The following MCTP2 variants were observed in gnomAD, a reference collection of about 807,000 sequenced individuals.
MCTP2 encodes multiple C2 and transmembrane domain containing 2, also known as multiple C2 and transmembrane domain-containing protein 2.
A neutral mutation model predicts 111.6 loss-of-function variants in MCTP2; 132 were observed. That is an observed-to-expected ratio of 1.18 (90% CI 1.03 to 1.37). MCTP2 has a LOEUF of 1.37. Ranked by LOEUF, MCTP2 falls within the 40% of genes most tolerant of loss-of-function variation. MCTP2 has a pLI of 0.00. For missense variants in MCTP2, 1,183 were observed against 1,067.9 expected, an observed-to-expected ratio of 1.11 and a Z score of -1.50; for synonymous variants, 395 against 387.7, an observed-to-expected ratio of 1.02 and a Z score of -0.22.
chr15:94,369,218 C>T (rs991078242), intron 11 of MCTP2, among the ~76,000 whole-genome samples: 2 of 152,154 alleles, frequency 1.3e-5, no homozygotes, highest in Admixed American at 6.5e-5. Flanking sequence ...TGTTATTAAG[C>T]TTGTGTTATT....
intron 1 of MCTP2, among the ~76,000 whole-genome samples, chr15:94,242,987 G>A (rs1163788097): frequency 1.2e-5 from 1 of 81,758 alleles, no homozygotes; most frequent in African/African-American, 4.8e-5. Context: ...ACACATACAC[G>A]TGTATATGTG....
At chr15:94,296,209 A>T (rs779376679) in intron 1 of MCTP2, among the ~76,000 whole-genome samples, 14 of 152,242 alleles carry the variant, frequency 9.2e-5, no homozygotes, top group Admixed American at 2.6e-4. Flanking sequence ...ATGAAAATAG[A>T]AGCAATGCCT....
At chr15:94,365,431 G>A (rs992212045) in intron 10 of MCTP2, among the ~76,000 whole-genome samples, 4 of 152,140 alleles carry the variant, frequency 2.6e-5, no homozygotes, top group Non-Finnish European at 5.9e-5. Flanking sequence ...TGAGTGAAAA[G>A]CTTGTGAAAA....
chr15:94,388,621 G>A (rs538291243), intron 14 of MCTP2, among the ~76,000 whole-genome samples: 13 of 152,192 alleles, frequency 8.5e-5, no homozygotes, highest in African/African-American at 2.6e-4. Context: ...TACTTATTTA[G>A]ATCTAGTTTT....
chr15:94,354,114 C>CAT (rs1322085929), intron 8 of MCTP2, among the ~76,000 whole-genome samples: 146 of 151,196 alleles, frequency 9.7e-4, no homozygotes, highest in African/African-American at 3.1e-3. Context: ...CATATATTCC[C>CAT]ATATATATAT....
chr15:94,469,786 C>T (rs568396846), intron 20 of MCTP2, among the ~76,000 whole-genome samples: 4 of 152,002 alleles, frequency 2.6e-5, no homozygotes, highest in South Asian at 2.1e-4. Context: ...GCAGGAGGAT[C>T]GTTTGAGCCT....
intron 12 of MCTP2, among the ~76,000 whole-genome samples, chr15:94,372,029 T>C (rs1465424584): frequency 6.6e-6 from 1 of 152,132 alleles, no homozygotes; most frequent in Non-Finnish European, 1.5e-5. Context: ...AAAGAGTCTT[T>C]GTAAAGACCC....
intron 1 of MCTP2, among the ~76,000 whole-genome samples, chr15:94,268,168 A>AATTC: frequency 1.6e-5 from 2 of 128,976 alleles, no homozygotes; most frequent in African/African-American, 5.8e-5. Flanking sequence ...GCCCGGCCCA[A>AATTC]ATTCATTCTT....
intron 22 of MCTP2, 55 bp downstream of exon 22, chr15:94,476,848 C>G (rs2074408996): frequency 3.9e-6 from 4 of 1,027,732 alleles, no homozygotes; most frequent in Non-Finnish European, 1.5e-6. Flanking sequence ...TCTGGCCAGC[C>G]CCGGAGCCAG....
chr15:94,419,070 C>A (rs560909739), intron 17 of MCTP2, among the ~76,000 whole-genome samples: 1 of 152,162 alleles, frequency 6.6e-6, no homozygotes, highest in East Asian at 1.9e-4. Flanking sequence ...AAATGATATG[C>A]ATTGTTTATT....
chr15:94,401,085 G>C (rs1416971204), intron 16 of MCTP2, among the ~76,000 whole-genome samples: 1 of 152,136 alleles, frequency 6.6e-6, no homozygotes, highest in Non-Finnish European at 1.5e-5. Flanking sequence ...GCAACTGGGA[G>C]AGAGACATTT....
At chr15:94,335,985 A>T (rs2077341462) in intron 4 of MCTP2, among the ~76,000 whole-genome samples, 1 of 152,154 alleles carries the variant, frequency 6.6e-6, no homozygotes, top group African/African-American at 2.4e-5. Context: ...TACTTTTCTT[A>T]AAAATTAAAA....
intron 17 of MCTP2, among the ~76,000 whole-genome samples, chr15:94,405,774 A>G (rs917796812): frequency 3.3e-5 from 5 of 152,166 alleles, no homozygotes; most frequent in South Asian, 2.1e-4. Context: ...AACATTGAAA[A>G]TCTTTCTCAT....
intron 1 of MCTP2, among the ~76,000 whole-genome samples, chr15:94,250,464 G>C (rs967285495): frequency 6.6e-6 from 1 of 152,136 alleles, no homozygotes; most frequent in African/African-American, 2.4e-5. Flanking sequence ...CTGGATTTTT[G>C]TATGGATTTT....
intron 17 of MCTP2, among the ~76,000 whole-genome samples, chr15:94,416,167 A>C (rs1370539817): frequency 6.6e-6 from 1 of 152,152 alleles, no homozygotes; most frequent in Non-Finnish European, 1.5e-5. Flanking sequence ...TACAGCCTGC[A>C]ATATAATATT....
chr15:94,443,045 CT>C, intron 19 of MCTP2, 85 bp downstream of exon 19: 1 of 849,496 alleles, frequency 1.2e-6, no homozygotes, highest in Non-Finnish European at 1.7e-6. Flanking sequence ...TCTCTCTCCT[CT>C]CTTTTTTTTT....
chr15:94,471,068 C>A (rs2073886302), intron 21 of MCTP2, among the ~76,000 whole-genome samples: 1 of 152,146 alleles, frequency 6.6e-6, no homozygotes, highest in Admixed American at 6.5e-5. Flanking sequence ...AATGTCATGA[C>A]TTGATTTAAT....
At chr15:94,339,804 A>G (rs1596402660) in intron 5 of MCTP2, among the ~76,000 whole-genome samples, 1 of 152,352 alleles carries the variant, frequency 6.6e-6, no homozygotes, top group Non-Finnish European at 1.5e-5. Flanking sequence ...TTAAAACTGC[A>G]TGAGTTGAGT....
intron 2 of MCTP2, among the ~76,000 whole-genome samples, chr15:94,312,980 A>G (rs779165143): frequency 1.3e-5 from 2 of 152,108 alleles, no homozygotes; most frequent in African/African-American, 2.4e-5. Context: ...GTCACTGTGC[A>G]TGGAAAGGAC....
Sources: gnomAD v4.1 joint callset for allele counts (sites outside exome capture counted in the v4.1 genomes callset) on GRCh38, gnomAD v4.1.1 for gene constraint, MANE v1.5 for transcripts, NCBI Gene and HGNC (gene_info 2026-07-23, HGNC 2026-07-21) for gene names.